BTAF1: variants seen among roughly 807,000 people sequenced by gnomAD.
The protein encoded by BTAF1 is B-TFIID TATA-box binding protein associated factor 1.
A neutral mutation model predicts 227.1 loss-of-function variants in BTAF1; 38 were observed. That is an observed-to-expected ratio of 0.17 (90% confidence interval 0.13 to 0.22). The LOEUF (loss-of-function observed/expected upper bound fraction) is 0.22, where lower values mean the gene tolerates loss of function less well. Ranked by LOEUF, BTAF1 falls within the 10% of genes least tolerant of loss-of-function variation. BTAF1 has a pLI of 1.00. For synonymous variants in BTAF1, 742 were observed against 751.9 expected, an observed-to-expected ratio of 0.99 and a Z score of 0.21; for missense variants, 1,598 against 2,204.0, an observed-to-expected ratio of 0.73 and a Z score of 5.51.
chr10:91,949,284 G>A (rs1845591572), intron 4 of BTAF1, among the ~76,000 whole-genome samples: 2 of 152,306 alleles, frequency 1.3e-5, no homozygotes, highest in East Asian at 3.9e-4. Context: ...CTGCAGTCCA[G>A]CGTGAGTAGC....
At chr10:92,012,076 T>TC (rs1850328700) in intron 30 of BTAF1, among the ~76,000 whole-genome samples, 1 of 125,770 alleles carries the variant, frequency 8.0e-6, no homozygotes, top group African/African-American at 3.1e-5. Context: ...TCTCTCTCCC[T>TC]CCTTCCCTCC....
At chr10:91,928,778 C>A (rs11186753) in intron 1 of BTAF1, among the ~76,000 whole-genome samples, 40,037 of 138,006 alleles carry the variant, frequency 0.29, 7,181 homozygotes, top group Non-Finnish European at 0.39. Context: ...CCCCCCGCCC[C>A]CCAAAAAAAG....
rs1352831078 is a variant in BTAF1, at chr10:92,011,373, G to C, written c.4269G>C (p.Leu1423=). The change falls in exon 30 of 38, where the codon CTG becomes CTC. Residue 1423 remains leucine (L), a synonymous_variant. Transcript: ENST00000265990. ...KTKLSKAVKQ[L]TANYRIILSG... ...AGTTGTCAAAAGCAGTAAAACAACT[G>C]ACTGCTAATTATAGGATTATTCTTT... 7.4e-6 allele frequency: 11 copies of C among 1,482,046 alleles called. No homozygotes were observed. Among genetic ancestry groups the C allele is most frequent in the Non-Finnish European group, 9.8e-6 (11 of 1,120,808 alleles). The allele number at this position is 1,482,046 out of a possible 1,614,324, so 91.8% of individuals were successfully genotyped here.
chr10:91,992,078 A>C, intron 20 of BTAF1, 41 bp from the exon 21 acceptor site: 1 of 1,487,916 alleles, frequency 6.7e-7, no homozygotes, highest in Non-Finnish European at 9.1e-7. Flanking sequence ...TGGTATCACC[A>C]ATATTATGAT....
At chr10:91,968,588 G>A (rs750236800) in intron 14 of BTAF1, among the ~76,000 whole-genome samples, 8 of 152,188 alleles carry the variant, frequency 5.3e-5, no homozygotes, top group Non-Finnish European at 1.2e-4. Flanking sequence ...TGTATGGTAA[G>A]GGTATGTTGA....
At chr10:91,993,905 A>T (rs1463595953) in intron 22 of BTAF1, 58 bp downstream of exon 22, 1 of 1,282,548 alleles carries the variant, frequency 7.8e-7, no homozygotes, top group Non-Finnish European at 1.0e-6. Flanking sequence ...TATTAATTGA[A>T]TATATCCTTA....
At chr10:92,001,978 ATATAT>A (rs1849570493) in intron 25 of BTAF1, among the ~76,000 whole-genome samples, 1 of 66,244 alleles carries the variant, frequency 1.5e-5, no homozygotes. Flanking sequence ...CCATATATAT[ATATAT>A]ATACACACAC....
At position 91,957,082 on chromosome 10, in the gene BTAF1, A is replaced by G. The variant is rs935907724; in HGVS notation, c.832-143A>G. ...TGAGAGAAATTTTATCAGTAAAAAT[A>G]TATCTTAATTAGTTAAAAAAATTAA... On this transcript the variant is annotated intron_variant, in intron 7 of 37. Transcript: ENST00000265990. 1.9e-5 allele frequency: 10 copies of G among 528,036 alleles called. No individual in the cohort carries two copies. In the Admixed American group the frequency reaches 1.9e-4, roughly 10 times the overall value. The allele number at this position is 528,036 out of a possible 1,614,324, so 32.7% of individuals were successfully genotyped here. A position where few individuals can be genotyped will look rare whatever the true frequency, so the allele number is the denominator to read the frequency against.
chr10:91,928,769 C>CG (rs1283968943), intron 1 of BTAF1, among the ~76,000 whole-genome samples: 1 of 135,560 alleles, frequency 7.4e-6, no homozygotes, highest in Non-Finnish European at 1.6e-5. Flanking sequence ...ATCCCCCCCC[C>CG]CCCCGCCCCC....
intron 1 of BTAF1, 110 bp downstream of exon 1, chr10:91,924,200 G>A: frequency 1.4e-6 from 2 of 1,433,116 alleles, no homozygotes; most frequent in African/African-American, 1.5e-5. Context: ...ACTGGGCTCT[G>A]GAGCTTTCTT....
intron 4 of BTAF1, 149 bp from the exon 5 acceptor site, chr10:91,951,254 G>A: frequency 1.3e-6 from 1 of 782,166 alleles, no homozygotes; most frequent in Non-Finnish European, 1.9e-6. Context: ...AGGTAACAGA[G>A]TTTATGAGAT....
rs531668595 is a variant in BTAF1, at chr10:91,997,851, G to A, written c.3660+100G>A. The A allele has an allele frequency of 1.5e-5, 18 of 1,228,062 alleles. No individual in the cohort carries two copies. In the South Asian group the frequency reaches 2.6e-4, roughly 17 times the overall value. 76.1% of individuals were successfully genotyped at this position (1,228,062 alleles called of 1,614,324 possible). On this transcript the variant is annotated intron_variant, in intron 25 of 37. Coordinates refer to ENST00000265990, the MANE Select transcript of BTAF1 (RefSeq NM_003972.3). ...GGGCCAGGTACAAAGGCTCATGCCT[G>A]TAATCCCAGCACTTTCTGAGGCTGA...
At chr10:91,940,905 G>T (rs1464864697) in intron 3 of BTAF1, among the ~76,000 whole-genome samples, 2 of 151,778 alleles carry the variant, frequency 1.3e-5, no homozygotes, top group East Asian at 3.9e-4. Flanking sequence ...GCTCGGGGGG[G>T]TGGGGTTTGA....
intron 4 of BTAF1, among the ~76,000 whole-genome samples, chr10:91,948,081 C>G (rs1845504556): frequency 6.6e-6 from 1 of 152,100 alleles, no homozygotes; most frequent in Non-Finnish European, 1.5e-5. Context: ...CATATGTATA[C>G]ATGTGCCGTG....
Position 92,031,084 on chromosome 10 carries a change from G to A in BTAF1, c.*2151G>A, listed in dbSNP as rs1321008787. On this transcript the variant is annotated 3_prime_UTR_variant, in exon 38 of 38. Coordinates refer to ENST00000265990, the MANE Select transcript of BTAF1 (RefSeq NM_003972.3). ...TAGAATGTTAACTATTTTAAACTGG[G>A]AATTGGGTTCATAGATATCCATTGT... Among the ~76,000 whole-genome samples the A allele has an allele frequency of 2.6e-5, 4 of 152,160 alleles. No individual in the cohort carries two copies. The highest frequency in any genetic ancestry group is 5.9e-5 in the Non-Finnish European group (4 of 68,016).
chr10:91,953,685 G>T (rs376342270), intron 5 of BTAF1, 52 bp from the exon 6 acceptor site: 215 of 1,585,404 alleles, frequency 1.4e-4, no homozygotes, highest in Non-Finnish European at 1.8e-4. Flanking sequence ...GAGACTATAG[G>T]TACTTATTTT....
chr10:91,968,507 G>A (rs1400991392), intron 14 of BTAF1, among the ~76,000 whole-genome samples: 5 of 152,180 alleles, frequency 3.3e-5, no homozygotes, highest in South Asian at 4.2e-4. Context: ...AAACATTCAC[G>A]TGCAGGTTCT....
intron 20 of BTAF1, 120 bp from the exon 21 acceptor site, chr10:91,991,999 G>A: frequency 1.5e-6 from 1 of 671,186 alleles, no homozygotes; most frequent in Non-Finnish European, 2.3e-6. Flanking sequence ...AATGTCATTG[G>A]CCTATAAAAG....
chr10:91,931,369 T>A (rs1050687672), intron 1 of BTAF1, among the ~76,000 whole-genome samples: 1 of 152,250 alleles, frequency 6.6e-6, no homozygotes, highest in Admixed American at 6.5e-5. Context: ...TATGTTTTAC[T>A]TATCTTCTAT....
Sources: allele counts gnomAD v4.1 joint callset (sites outside exome capture counted in the v4.1 genomes callset), GRCh38; gene constraint gnomAD v4.1.1; transcripts MANE v1.5; gene names NCBI Gene and HGNC (gene_info 2026-07-23, HGNC 2026-07-21).